Variants in ZNF77 observed in about 807,000 individuals in gnomAD.
ZNF77 encodes ZNFpT1.
ZNF77 carries 15 observed loss-of-function variants against 13.5 expected under a neutral mutation model. That is an observed-to-expected ratio of 1.11 (90% confidence interval 0.74 to 1.71). The LOEUF (loss-of-function observed/expected upper bound fraction) is 1.71, where lower values mean the gene tolerates loss of function less well. Among genes scored for constraint, ZNF77 ranks in the 40% most tolerant of loss-of-function variants. ZNF77 has a pLI of 0.00. For missense variants in ZNF77, 717 were observed against 676.4 expected, an observed-to-expected ratio of 1.06 and a Z score of -0.67; for synonymous variants, 282 against 250.0, an observed-to-expected ratio of 1.13 and a Z score of -1.21.
intron 1 of ZNF77, among the ~76,000 whole-genome samples, chr19:2,940,907 G>C (rs1050043661): frequency 2.0e-5 from 3 of 152,096 alleles, no homozygotes; most frequent in African/African-American, 7.2e-5. Flanking sequence ...GGGCTTGGTG[G>C]CTCAGGCCTA....
Position 2,939,008 on chromosome 19 carries a change from C to T in ZNF77, c.130+273G>A, listed in dbSNP as rs11670835. Among the ~76,000 whole-genome samples, 368 of 138,046 alleles carry T rather than the reference C, an allele frequency of 2.7e-3. 7 individuals are homozygous for T. Among genetic ancestry groups the T allele is most frequent in the African/African-American group, 9.4e-3 (354 of 37,624 alleles). The allele number at this position is 138,046 out of a possible 152,430, so 90.6% of individuals were successfully genotyped here. A position where few individuals can be genotyped will look rare whatever the true frequency, so the allele number is the denominator to read the frequency against. ...ACCAAGGTCTCTTTGCTCTCCAGGA[C>T]GCAGTGAGGGAATGATGCCACCCTT... On this transcript the variant is annotated intron_variant, in intron 2 of 3. Coordinates refer to ENST00000314531, the MANE Select transcript of ZNF77 (RefSeq NM_021217.3).
chr19:2,933,803 C>T lies in ZNF77; in HGVS notation c.1324G>A (p.Gly442Arg). 3 of 1,613,276 alleles carry T rather than the reference C, an allele frequency of 1.9e-6. No individual in the cohort carries two copies. The highest frequency in any genetic ancestry group is 2.2e-5 in the South Asian group (2 of 91,038). Residue 442 changes from glycine to arginine, a missense_variant, in exon 4 of 4, where the codon GGG becomes AGG. Transcript: ENST00000314531. ...GEKPFECKHC[G>R]KAFSCHSSLR... is the part of the protein sequence containing the mutation. ...GAGGAGTGACAGCTGAAGGCTTTCC[C>T]ACAATGCTTACACTCAAAGGGCTTC...
At chr19:2,934,967 A>G (rs1037871043) in intron 3 of ZNF77, 152 bp from the exon 4 acceptor site, 19 of 1,022,852 alleles carry the variant, frequency 1.9e-5, no homozygotes, top group Non-Finnish European at 2.6e-5. Flanking sequence ...TATGGAGAAC[A>G]AGCTTAATGC....
chr19:2,937,731 A>C (rs1255993320), intron 2 of ZNF77, among the ~76,000 whole-genome samples: 2 of 133,606 alleles, frequency 1.5e-5, no homozygotes, highest in Non-Finnish European at 3.2e-5. Context: ...CCTCCTCCTC[A>C]GAGAAGGGTT....
chr19:2,933,528 T>A lies in ZNF77; in HGVS notation c.1599A>T (p.Ala533=), dbSNP rs752469791. 5 of 1,600,382 alleles carry A rather than the reference T, an allele frequency of 3.1e-6. No individual in the cohort carries two copies. In the East Asian group the frequency reaches 9.0e-5, roughly 29 times the overall value. ...GTGTTCTCACATGTGCTTGAAGCGA[T>A]GCGAGATACCTGAAGGTTTTCCCAC... ...KQCGKTFRYL[A]SLQAHVRTHA... The change falls in exon 4 of 4, where the codon GCA becomes GCT. Residue 533 remains alanine, a synonymous_variant. Coordinates refer to ENST00000314531, the MANE Select transcript of ZNF77 (RefSeq NM_021217.3).
rs1301466313 is a variant in ZNF77 at position 2,933,984 on chromosome 19, C to T, written c.1143G>A (p.Val381=). The change falls in exon 4 of 4, where the codon GTG becomes GTA. Residue 381 remains valine, a synonymous_variant. Transcript: ENST00000314531. ...CGAAGGCCTTCCCACACTGCTTGCACACATAGGGCTTCTCTCCGGTGTGCA... is the reference window on the plus strand; with the variant it reads ...CGAAGGCCTTCCCACACTGCTTGCATACATAGGGCTTCTCTCCGGTGTGCA... The part of the protein sequence containing the change: ...MRMHTGEKPY[V]CKQCGKAFGC... 2 of 1,614,166 alleles carry T rather than the reference C, an allele frequency of 1.2e-6. No individual in the cohort carries two copies. Among genetic ancestry groups the T allele is most frequent in the Non-Finnish European group, 1.7e-6 (2 of 1,180,036 alleles).
intron 1 of ZNF77, among the ~76,000 whole-genome samples, chr19:2,940,542 A>G (rs550746482): frequency 1.4e-4 from 22 of 152,056 alleles, no homozygotes; most frequent in East Asian, 7.7e-4. Context: ...GCGTGGTGGC[A>G]CACGCCTGTA....
intron 3 of ZNF77, 87 bp from the exon 4 acceptor site, chr19:2,934,902 A>G (rs2088382518): frequency 6.7e-7 from 1 of 1,483,948 alleles, no homozygotes; most frequent in Non-Finnish European, 9.0e-7. Context: ...TTTTGATTAC[A>G]TTATTTGCCA....
chr19:2,944,701 G>T, intron 1 of ZNF77, 137 bp downstream of exon 1: 2 of 1,275,036 alleles, frequency 1.6e-6, no homozygotes, highest in Non-Finnish European at 2.1e-6. Flanking sequence ...CTGTGACCAC[G>T]TCCCCGGGGC....
At chr19:2,942,010 G>A (rs1021337599) in intron 1 of ZNF77, among the ~76,000 whole-genome samples, 1 of 150,572 alleles carries the variant, frequency 6.6e-6, no homozygotes, top group African/African-American at 2.4e-5. Flanking sequence ...AGAAGGCAAA[G>A]AACACATCCA....
At chr19:2,942,314 C>T (rs2088456125) in intron 1 of ZNF77, among the ~76,000 whole-genome samples, 1 of 151,628 alleles carries the variant, frequency 6.6e-6, no homozygotes, top group African/African-American at 2.4e-5. Context: ...TTGTGATCCG[C>T]CCACCTCAGC....
intron 3 of ZNF77, 83 bp from the exon 4 acceptor site, chr19:2,934,898 T>C (rs551477386): frequency 6.7e-7 from 1 of 1,492,164 alleles, no homozygotes; most frequent in East Asian, 2.3e-5. Flanking sequence ...ATTATTTTGA[T>C]TACATTATTT....
At chr19:2,940,814 TGAG>T (rs142241897) in intron 1 of ZNF77, among the ~76,000 whole-genome samples, 1,781 of 152,272 alleles carry the variant, frequency 0.012, 28 homozygotes, top group African/African-American at 0.039. Context: ...ACTGTTCACT[TGAG>T]GACGTTTCCA....
intron 2 of ZNF77, among the ~76,000 whole-genome samples, chr19:2,938,970 A>T (rs534885377): frequency 1.8e-4 from 27 of 151,978 alleles, no homozygotes; most frequent in East Asian, 7.7e-4. Flanking sequence ...AAATAAAAAA[A>T]AAAAAAAAGA....
At position 2,944,924 on chromosome 19, in the gene ZNF77, C is replaced by T; in HGVS notation, c.-84G>A. On this transcript the variant is annotated 5_prime_UTR_variant, in exon 1 of 4. Transcript: ENST00000314531. ...GGTGAGCACGACAGGACACCTGAGC[C>T]GCTCGGGGTAGGCGGGGAAGCGCGC... The T allele has an allele frequency of 6.8e-7, 1 of 1,465,056 alleles. No homozygotes were observed. Among genetic ancestry groups the T allele is most frequent in the Non-Finnish European group, 9.0e-7 (1 of 1,111,822 alleles). The allele number at this position is 1,465,056 out of a possible 1,614,324, so 90.8% of individuals were successfully genotyped here. A position where few individuals can be genotyped will look rare whatever the true frequency, so the allele number is the denominator to read the frequency against.
chr19:2,944,138 C>T (rs1407463059), intron 1 of ZNF77, among the ~76,000 whole-genome samples: 1 of 151,364 alleles, frequency 6.6e-6, no homozygotes, highest in Non-Finnish European at 1.5e-5. Flanking sequence ...CCCCTGACTG[C>T]CTCTACTGTC....
At chr19:2,944,700 C>A in intron 1 of ZNF77, 138 bp downstream of exon 1, 1 of 1,270,940 alleles carries the variant, frequency 7.9e-7, no homozygotes, top group Non-Finnish European at 1.0e-6. Context: ...GCTGTGACCA[C>A]GTCCCCGGGG....
chr19:2,944,101 C>T (rs1253812298), intron 1 of ZNF77, among the ~76,000 whole-genome samples: 2 of 151,976 alleles, frequency 1.3e-5, no homozygotes, highest in East Asian at 3.9e-4. Context: ...CTGACGGCTC[C>T]TGCCCTCTCC....
chr19:2,934,160 G>T lies in ZNF77; in HGVS notation c.967C>A (p.Pro323Thr), dbSNP rs774985424. 3.1e-6 allele frequency: 5 copies of T among 1,614,104 alleles called. No homozygotes were observed. In the East Asian group the frequency reaches 1.1e-4, roughly 36 times the overall value. The change falls in exon 4 of 4, where the codon CCC (proline) becomes ACC (threonine). Residue 323 changes from proline to threonine, a missense_variant. Physicochemically the swap from Pro to Thr is conservative, Grantham distance 38 (BLOSUM62 -1). Coordinates refer to ENST00000314531, the MANE Select transcript of ZNF77 (RefSeq NM_021217.3). ...TTTCCGCAATGTTTACACTGACAGG[G>T]TTTCTCTCCAGTGTGCGTCCTCACG... ...DHVRTHTGEK[P>T]CQCKHCGKAF...
Sources: allele counts gnomAD v4.1 joint callset (sites outside exome capture counted in the v4.1 genomes callset), GRCh38; gene constraint gnomAD v4.1.1; transcripts MANE v1.5; gene names NCBI Gene and HGNC (gene_info 2026-07-23, HGNC 2026-07-21).